ITPR3: variants seen among roughly 807,000 people sequenced by gnomAD.
ITPR3 encodes the protein inositol 1,4,5-trisphosphate-gated calcium channel ITPR3.
Under a neutral mutation model 293.2 loss-of-function variants are expected in ITPR3, and 173 were observed. The observed-to-expected ratio is 0.59, with a 90% CI of 0.52 to 0.67. The LOEUF is 0.67. Among genes scored for constraint, ITPR3 ranks in the 30% least tolerant of loss-of-function variants. The pLI, the probability that ITPR3 is intolerant of heterozygous loss-of-function variation, is 0.00. For missense variants in ITPR3, 2,796 were observed against 3,592.1 expected, an observed-to-expected ratio of 0.78 and a Z score of 5.66; for synonymous variants, 1,295 against 1,444.4, an observed-to-expected ratio of 0.90 and a Z score of 2.35.
rs376048566 is a variant in ITPR3, at chr6:33,672,115, C to A, written c.2815C>A (p.Pro939Thr). 4 of 1,613,894 alleles carry A rather than the reference C, an allele frequency of 2.5e-6. No individual in the cohort carries two copies. The African/African-American group carries it at 5.3e-5, about 22-fold the overall frequency. The change falls in exon 22 of 58, where the codon CCC (proline) becomes ACC (threonine). Residue 939 changes from proline to threonine, a missense_variant. Pro to Thr is a conservative substitution (Grantham distance 38). Around this residue, in one of 8 missense-constraint regions of ITPR3, gnomAD observed 955 missense variants for 1,180.8 expected, o/e 0.81. Coordinates refer to ENST00000605930, the MANE Select transcript of ITPR3 (RefSeq NM_002224.4). The surrounding 1 kb of genome is among the most constrained non-coding windows in gnomAD (Gnocchi z 5.0). ...LSRKQSVFSA[P>T]SLSAGASAAE... Reference sequence around the variant, plus strand: ...CCGCAAGCAGTCCGTCTTCAGTGCCCCCAGCCTGTCTGCTGGGGCCAGTGC... The same window carrying A: ...CCGCAAGCAGTCCGTCTTCAGTGCCACCAGCCTGTCTGCTGGGGCCAGTGC...
In ITPR3 at chr6:33,668,518, C is replaced by T; in HGVS notation, c.1890C>T (p.Phe630=). The change falls in exon 17 of 58, where the codon TTC becomes TTT. Residue 630 remains phenylalanine (F), a synonymous_variant. Coordinates refer to ENST00000605930, the MANE Select transcript of ITPR3 (RefSeq NM_002224.4). ...SLVRKNREPR[F]LDYLSDLCVS... ...CCGCTGGCTGTCACCACCCCAGGTT[C>T]CTGGACTACCTCTCTGACCTGTGTG... The T allele has an allele frequency of 6.2e-7, 1 of 1,614,164 alleles. No individual in the cohort carries two copies. Among genetic ancestry groups the T allele is most frequent in the Non-Finnish European group, 8.5e-7 (1 of 1,180,004 alleles).
intron 1 of ITPR3, among the ~76,000 whole-genome samples, chr6:33,625,187 AC>A: frequency 6.6e-6 from 1 of 151,988 alleles, no homozygotes; most frequent in Non-Finnish European, 1.5e-5. Context: ...GGCCTTGGGT[AC>A]ACAGGGTGGA....
chr6:33,653,805 G>A (rs1049144241), intron 2 of ITPR3, among the ~76,000 whole-genome samples: 6 of 152,096 alleles, frequency 3.9e-5, no homozygotes, highest in Non-Finnish European at 7.4e-5. Context: ...CTGAATTTCC[G>A]GAACATTCCC....
In ITPR3 at chr6:33,679,807, T is replaced by A; in HGVS notation, c.3973-75T>A. The A allele has an allele frequency of 6.5e-7, 1 of 1,529,306 alleles. No individual in the cohort carries two copies. Among genetic ancestry groups the A allele is most frequent in the Non-Finnish European group, 8.8e-7 (1 of 1,133,650 alleles). The allele number at this position is 1,529,306 out of a possible 1,614,324, so 94.7% of individuals were successfully genotyped here. On this transcript the variant is annotated intron_variant, in intron 30 of 57. Transcript: ENST00000605930. This position sits in a 1 kb window ranked among gnomAD's most constrained non-coding sequence, Gnocchi z 4.2. ...TGTGGTCAGAGTCCCAGTTTCTCCC[T>A]GGTAAGCAACGGAGAGGAGAGCCCA... is the stretch of plus-strand genomic sequence containing the variant.
rs768768980 is a variant in ITPR3, at chr6:33,669,119, G to A, written c.2152G>A (p.Gly718Ser). 6 of 1,614,070 alleles carry A rather than the reference G, an allele frequency of 3.7e-6. No homozygotes were observed. The highest frequency in any genetic ancestry group is 3.3e-5 in the Admixed American group (2 of 60,018). ...GCAGCTGGCCCAGGAGGCGCGGGCC[G>A]GCAACGCCCACGACGAGAATGTGCT... ...VRQLAQEARA[G>S]NAHDENVLSY... is the part of the protein sequence containing the mutation. Residue 718 changes from glycine to serine, a missense_variant, in exon 18 of 58, where the codon GGC becomes AGC. Coordinates refer to ENST00000605930, the MANE Select transcript of ITPR3 (RefSeq NM_002224.4).
Position 33,667,681 on chromosome 6 carries a change from T to G in ITPR3, c.1714-111T>G. 1 of 1,179,800 alleles carries G rather than the reference T, an allele frequency of 8.5e-7. No homozygotes were observed. Among genetic ancestry groups the G allele is most frequent in the Non-Finnish European group, 1.2e-6 (1 of 838,976 alleles). The allele number at this position is 1,179,800 out of a possible 1,614,324, so 73.1% of individuals were successfully genotyped here. ...GCTTCCTTTCCTGGACCTCTGCCTT[T>G]CTAGGGTATTGGGTCCTTACCTCGG... On this transcript the variant is annotated intron_variant, in intron 15 of 57. Coordinates refer to ENST00000605930, the MANE Select transcript of ITPR3 (RefSeq NM_002224.4). The surrounding 1 kb of genome is among the most constrained non-coding windows in gnomAD (Gnocchi z 4.4).
chr6:33,665,814 TC>T lies in ITPR3; in HGVS notation c.1410-17del. The stretch of plus-strand genomic sequence containing the variant: ...CTGGGTGGGTATCTCACACTCGTCA[TC>T]CCCGGGTCCCCTCACCCAGGTTTGT... On this transcript the variant is annotated intron_variant, in intron 13 of 57. Coordinates refer to ENST00000605930, the MANE Select transcript of ITPR3 (RefSeq NM_002224.4). The T allele has an allele frequency of 6.2e-7, 1 of 1,613,178 alleles. No homozygotes were observed. Among genetic ancestry groups the T allele is most frequent in the Non-Finnish European group, 8.5e-7 (1 of 1,179,222 alleles).
rs930597204 is a variant in ITPR3, at chr6:33,675,964, C to G, written c.3282+108C>G. The G allele has an allele frequency of 3.8e-6, 5 of 1,324,022 alleles. No homozygotes were observed. The highest frequency in any genetic ancestry group is 4.0e-6 in the Non-Finnish European group (4 of 994,038). The allele number at this position is 1,324,022 out of a possible 1,614,324, so 82.0% of individuals were successfully genotyped here. On this transcript the variant is annotated intron_variant, in intron 25 of 57. Transcript: ENST00000605930. The surrounding 1 kb of genome is among the most constrained non-coding windows in gnomAD (Gnocchi z 5.0). ...ACAGCTCAAGGGGTAACTTGGGATG[C>G]CCATTTGGGGTTTTCAGCCTTGCTG...
chr6:33,689,540 T>C, intron 50 of ITPR3, 130 bp downstream of exon 50: 1 of 1,032,112 alleles, frequency 9.7e-7, no homozygotes, highest in Non-Finnish European at 1.4e-6. Context: ...GGCTCCCAAG[T>C]TCCTTATAGA....
At chr6:33,652,888 A>G (rs1365629131) in intron 2 of ITPR3, among the ~76,000 whole-genome samples, 1 of 151,694 alleles carries the variant, frequency 6.6e-6, no homozygotes, top group Non-Finnish European at 1.5e-5. Flanking sequence ...AGAGAAAAGA[A>G]AGGAAAGTAA....
At position 33,692,719 on chromosome 6, in the gene ITPR3, C is replaced by T; in HGVS notation, c.7459-9C>T. On this transcript the variant is annotated splice_polypyrimidine_tract_variant and intron_variant, in intron 54 of 57. Coordinates refer to ENST00000605930, the MANE Select transcript of ITPR3 (RefSeq NM_002224.4). The surrounding 1 kb of genome is among the most constrained non-coding windows in gnomAD (Gnocchi z 4.2). Reference sequence around the variant, plus strand: ...ACCGGGCCCAGCCTCCCTGCCTCATCCCCTGCAGGAGTCTCTCTTCCCAGC... The same window carrying T: ...ACCGGGCCCAGCCTCCCTGCCTCATTCCCTGCAGGAGTCTCTCTTCCCAGC... 1 of 1,613,596 alleles carries T rather than the reference C, an allele frequency of 6.2e-7. No homozygotes were observed. The highest frequency in any genetic ancestry group is 1.1e-5 in the South Asian group (1 of 90,998).
In ITPR3 at chr6:33,682,756, C is replaced by T; in HGVS notation, c.4597+112C>T. The T allele has an allele frequency of 7.3e-7, 1 of 1,362,056 alleles. No homozygotes were observed. Among genetic ancestry groups the T allele is most frequent in the African/African-American group, 1.5e-5 (1 of 65,266 alleles). The allele number at this position is 1,362,056 out of a possible 1,614,324, so 84.4% of individuals were successfully genotyped here. On this transcript the variant is annotated intron_variant, in intron 34 of 57. Transcript: ENST00000605930. The surrounding 1 kb of genome is among the most constrained non-coding windows in gnomAD (Gnocchi z 5.4). ...TCCCTAAGCTCGCCCATCTCCTGCT[C>T]CCAGGTGGTTGTCAGTAAGTTCTTC...
intron 55 of ITPR3, among the ~76,000 whole-genome samples, chr6:33,693,242 T>C (rs1244205444): frequency 6.6e-6 from 1 of 152,204 alleles, no homozygotes; most frequent in African/African-American, 2.4e-5. Flanking sequence ...GTCACCTGTA[T>C]GGCCTGTAGG....
At chr6:33,639,402 A>G (rs1159818785) in intron 1 of ITPR3, among the ~76,000 whole-genome samples, 1 of 151,760 alleles carries the variant, frequency 6.6e-6, no homozygotes, top group Admixed American at 6.6e-5. Flanking sequence ...AAAACAGAAA[A>G]GACCTTGTTA....
At position 33,667,725 on chromosome 6, in the gene ITPR3, C is replaced by T; in HGVS notation, c.1714-67C>T. On this transcript the variant is annotated intron_variant, in intron 15 of 57. Transcript: ENST00000605930. The surrounding 1 kb of genome is among the most constrained non-coding windows in gnomAD (Gnocchi z 4.4). ...ACCTCGGGGTTTGGGGGCAGCGTTC[C>T]AGAGCAGAGCTGGGCCCTTGGCCCA... 3.8e-6 allele frequency: 6 copies of T among 1,574,934 alleles called. No individual in the cohort carries two copies. The South Asian group carries it at 5.7e-5, about 15-fold the overall frequency.
At position 33,695,055 on chromosome 6, in the gene ITPR3, C is replaced by T; in HGVS notation, c.7917C>T (p.Leu2639=). ...CCACCATGAAGCTGGTGTCCCACCT[C>T]ACTGCCCAGCTCAACGAGCTCAAGG... ...LNSTMKLVSH[L]TAQLNELKEQ... The change falls in exon 57 of 58, where the codon CTC becomes CTT. Residue 2639 remains leucine, a synonymous_variant. Transcript: ENST00000605930. 1 of 1,614,034 alleles carries T rather than the reference C, an allele frequency of 6.2e-7. No individual in the cohort carries two copies. Among genetic ancestry groups the T allele is most frequent in the African/African-American group, 1.3e-5 (1 of 75,044 alleles).
Position 33,680,295 on chromosome 6 carries a change from T to C in ITPR3, c.4225-34T>C, listed in dbSNP as rs1353215926. 4 of 1,598,448 alleles carry C rather than the reference T, an allele frequency of 2.5e-6. No individual in the cohort carries two copies. The South Asian group carries it at 4.5e-5, about 18-fold the overall frequency. Reference sequence around the variant, plus strand: ...CAGGGAGAGCCTGGCCAGGCGGCCCTGCTTGCGCCCCTGACCTCCCGCCCA... The same window carrying C: ...CAGGGAGAGCCTGGCCAGGCGGCCCCGCTTGCGCCCCTGACCTCCCGCCCA... On this transcript the variant is annotated intron_variant, in intron 31 of 57. Coordinates refer to ENST00000605930, the MANE Select transcript of ITPR3 (RefSeq NM_002224.4).
In ITPR3 at chr6:33,696,207, G is replaced by A. The variant is rs575526670; in HGVS notation, c.*427G>A. On this transcript the variant is annotated 3_prime_UTR_variant, in exon 58 of 58. Transcript: ENST00000605930. The stretch of plus-strand genomic sequence containing the variant: ...GTTATGCTGTTACTAGTGATTTTAG[G>A]GCTTTGTTATTTAACTTATTTCAAG... 12 of 195,394 alleles carry A rather than the reference G, an allele frequency of 6.1e-5. No homozygotes were observed. In the South Asian group the frequency reaches 8.4e-4, roughly 14 times the overall value. 12.1% of individuals were successfully genotyped at this position (195,394 alleles called of 1,614,324 possible).
chr6:33,682,906 G>A lies in ITPR3; in HGVS notation c.4597+262G>A, dbSNP rs887671433. ...TATGGGTATTTGCAGATGGGCTCAGGCAGGAGCAGGCCTGTGGATTGTTAG... is the reference window on the plus strand; with the variant it reads ...TATGGGTATTTGCAGATGGGCTCAGACAGGAGCAGGCCTGTGGATTGTTAG... On this transcript the variant is annotated intron_variant, in intron 34 of 57. Coordinates refer to ENST00000605930, the MANE Select transcript of ITPR3 (RefSeq NM_002224.4). The surrounding 1 kb of genome is among the most constrained non-coding windows in gnomAD (Gnocchi z 5.4). Among the ~76,000 whole-genome samples the A allele has an allele frequency of 5.9e-5, 9 of 152,160 alleles. No individual in the cohort carries two copies. Among genetic ancestry groups the A allele is most frequent in the Admixed American group, 6.6e-5 (1 of 15,264 alleles).
Sources: gnomAD v4.1 joint callset for allele counts (sites outside exome capture counted in the v4.1 genomes callset) on GRCh38, gnomAD v4.1.1 for gene constraint, gnomAD v4.1.1 regional missense constraint, Gnocchi (gnomAD v3.1) non-coding constraint, MANE v1.5 for transcripts, NCBI Gene and HGNC (gene_info 2026-07-23, HGNC 2026-07-21) for gene names.